Variants in NPY2R observed in about 807,000 individuals in gnomAD.
NPY2R encodes neuropeptide Y receptor type 2.
NPY2R carries 17 observed loss-of-function variants against 22.3 expected under a neutral mutation model. The observed-to-expected ratio is 0.76, with a 90% CI of 0.52 to 1.14. The LOEUF (loss-of-function observed/expected upper bound fraction) is 1.14, where lower values mean the gene tolerates loss of function less well. Among genes scored for constraint, NPY2R ranks in the 50% most tolerant of loss-of-function variants. The pLI is 0.00. For synonymous variants in NPY2R, 209 were observed against 183.4 expected, an observed-to-expected ratio of 1.14 and a Z score of -1.13; for missense variants, 424 against 467.9, an observed-to-expected ratio of 0.91 and a Z score of 0.87.
chr4:155,206,257 G>T (rs1383101527), upstream of NPY2R, among the ~76,000 whole-genome samples: 1 of 152,188 alleles, frequency 6.6e-6, no homozygotes, highest in Non-Finnish European at 1.5e-5. Flanking sequence ...TGATACAAAA[G>T]AAATCAAGCA....
Position 155,214,720 on chromosome 4 carries a change from C to A in NPY2R, c.781C>A (p.Gln261Lys). ...SPGAANDHYH[Q>K]RRQKTTKMLV... ...TGGAGCTGCAAATGACCACTACCAT[C>A]AGCGAAGGCAAAAAACCACCAAAAT... is the stretch of plus-strand genomic sequence containing the variant. The change falls in exon 2 of 2, where the codon CAG (glutamine) becomes AAG (lysine). Residue 261 changes from glutamine (Q) to lysine (K), a missense_variant. Transcript: ENST00000329476. 2.5e-6 allele frequency: 4 copies of A among 1,614,232 alleles called. No individual in the cohort carries two copies. Among genetic ancestry groups the A allele is most frequent in the Non-Finnish European group, 3.4e-6 (4 of 1,180,038 alleles).
At chr4:155,210,653 G>A (rs1729384707) in intron 1 of NPY2R, among the ~76,000 whole-genome samples, 2 of 151,316 alleles carry the variant, frequency 1.3e-5, no homozygotes, top group African/African-American at 4.8e-5. Context: ...AAGGAGTGGA[G>A]GCACATGTGA....
the NPY2R span, among the ~76,000 whole-genome samples, chr4:155,198,678 A>G: frequency 6.6e-6 from 1 of 150,520 alleles, no homozygotes; most frequent in Admixed American, 6.7e-5. Flanking sequence ...CCCTTGTCAA[A>G]TTTAATATAT....
chr4:155,197,173 A>G, the NPY2R span, among the ~76,000 whole-genome samples: 101,244 of 151,830 alleles, frequency 0.67, 34,860 homozygotes, highest in East Asian at 0.94. Context: ...ATATGTGATT[A>G]TAATTTACAT....
Position 155,214,742 on chromosome 4 carries a change from A to G in NPY2R, c.803A>G (p.Lys268Arg). Residue 268 changes from lysine to arginine, a missense_variant, in exon 2 of 2, where the codon AAA becomes AGA. Coordinates refer to ENST00000329476, the MANE Select transcript of NPY2R (RefSeq NM_000910.4). ...CATCAGCGAAGGCAAAAAACCACCA[A>G]AATGCTGGTGTGTGTGGTGGTGGTG... ...HYHQRRQKTT[K>R]MLVCVVVVFA... The G allele has an allele frequency of 1.2e-6, 2 of 1,614,142 alleles. No homozygotes were observed. The highest frequency in any genetic ancestry group is 1.7e-6 in the Non-Finnish European group (2 of 1,180,000).
At chr4:155,195,206 A>G in the NPY2R span, among the ~76,000 whole-genome samples, 2 of 152,122 alleles carry the variant, frequency 1.3e-5, no homozygotes, top group Middle Eastern at 3.4e-3. Flanking sequence ...ATAACATGTC[A>G]ACCTGAATAA....
chr4:155,204,911 A>G (rs1729251639), upstream of NPY2R, among the ~76,000 whole-genome samples: 1 of 151,696 alleles, frequency 6.6e-6, no homozygotes, highest in African/African-American at 2.4e-5. Flanking sequence ...ACCCCTGCAT[A>G]TGCCAAAATC....
rs1729468715 is a variant in NPY2R, at chr4:155,214,438, C to T, written c.499C>T (p.Leu167=). ...CAAGATCTCCAAGCGAATCAGCTTCCTGATTATTGGCTTGGCCTGGGGCAT... is the reference window on the plus strand; with the variant it reads ...CAAGATCTCCAAGCGAATCAGCTTCTTGATTATTGGCTTGGCCTGGGGCAT... ...ESKISKRISF[L]IIGLAWGISA... The change falls in exon 2 of 2, where the codon CTG becomes TTG. Residue 167 remains leucine (L), a synonymous_variant. Transcript: ENST00000329476. 1 of 1,613,974 alleles carries T rather than the reference C, an allele frequency of 6.2e-7. No homozygotes were observed. Among genetic ancestry groups the T allele is most frequent in the Non-Finnish European group, 8.5e-7 (1 of 1,180,030 alleles).
At chr4:155,177,959 T>C in the NPY2R span, among the ~76,000 whole-genome samples, 84 of 152,286 alleles carry the variant, frequency 5.5e-4, no homozygotes, top group Middle Eastern at 3.4e-3. Context: ...ACTTACCTCA[T>C]ATGGCATTTC....
upstream of NPY2R, among the ~76,000 whole-genome samples, chr4:155,205,379 G>T (rs1167899123): frequency 6.6e-6 from 1 of 152,026 alleles, no homozygotes; most frequent in Non-Finnish European, 1.5e-5. Flanking sequence ...TTATACCGTG[G>T]GGGAAGCATC....
At chr4:155,198,137 G>A in the NPY2R span, among the ~76,000 whole-genome samples, 2 of 151,884 alleles carry the variant, frequency 1.3e-5, no homozygotes, top group African/African-American at 4.8e-5. Context: ...ATTAAATGTT[G>A]GTATCTAACA....
chr4:155,203,792 G>A (rs1010764521), upstream of NPY2R, among the ~76,000 whole-genome samples: 5 of 152,138 alleles, frequency 3.3e-5, no homozygotes, highest in African/African-American at 9.7e-5. Context: ...TTTAAATAAA[G>A]CAAGACAATC....
chr4:155,196,060 A>G, the NPY2R span, among the ~76,000 whole-genome samples: 1 of 152,050 alleles, frequency 6.6e-6, no homozygotes, highest in East Asian at 1.9e-4. Context: ...AAAATCATAA[A>G]TGCATTGCCC....
the NPY2R span, among the ~76,000 whole-genome samples, chr4:155,189,800 G>A: frequency 6.6e-6 from 1 of 151,756 alleles, no homozygotes; most frequent in South Asian, 2.1e-4. Flanking sequence ...AATAATATAG[G>A]CGGCTTTCAT....
At chr4:155,185,184 C>T in the NPY2R span, among the ~76,000 whole-genome samples, 70,225 of 150,734 alleles carry the variant, frequency 0.47, 16,998 homozygotes, top group East Asian at 0.69. Flanking sequence ...GGACCACAGG[C>T]GCCTGCCACC....
chr4:155,196,447 A>T, the NPY2R span, among the ~76,000 whole-genome samples: 1 of 151,956 alleles, frequency 6.6e-6, no homozygotes, highest in Non-Finnish European at 1.5e-5. Context: ...AAATGATATA[A>T]TCATGGGCTC....
At chr4:155,180,878 T>C in the NPY2R span, among the ~76,000 whole-genome samples, 1 of 151,802 alleles carries the variant, frequency 6.6e-6, no homozygotes, top group Non-Finnish European at 1.5e-5. Context: ...ATAGATTATA[T>C]GTGATAGTAA....
chr4:155,200,179 A>C, the NPY2R span, among the ~76,000 whole-genome samples: 1 of 152,164 alleles, frequency 6.6e-6, no homozygotes, highest in East Asian at 1.9e-4. Context: ...CCCATAAAGA[A>C]GTGGGCAAAG....
the NPY2R span, among the ~76,000 whole-genome samples, chr4:155,194,429 T>A: frequency 6.6e-6 from 1 of 151,782 alleles, no homozygotes; most frequent in Non-Finnish European, 1.5e-5. Context: ...GCCTCAGTGT[T>A]TTTTGTCCCC....
Sources: gnomAD v4.1 joint callset for allele counts (sites outside exome capture counted in the v4.1 genomes callset) on GRCh38, gnomAD v4.1.1 for gene constraint, MANE v1.5 for transcripts, NCBI Gene and HGNC (gene_info 2026-07-23, HGNC 2026-07-21) for gene names.